Variants in EBF3 observed in about 807,000 individuals in gnomAD.
The protein encoded by EBF3 is EBF transcription factor 3.
A neutral mutation model predicts 77.1 loss-of-function variants in EBF3; 18 were observed. The ratio of observed to expected loss-of-function variants is 0.23; its 90% CI spans 0.16 to 0.35. The LOEUF (loss-of-function observed/expected upper bound fraction) is 0.35, where lower values mean the gene tolerates loss of function less well. Among genes scored for constraint, EBF3 ranks in the 10% least tolerant of loss-of-function variants. The pLI is 1.00. For synonymous variants in EBF3, 350 were observed against 343.5 expected (o/e 1.02, Z -0.21); for missense variants, 558 against 860.0 (o/e 0.65, Z 4.39).
chr10:129,930,082 T>G (rs1023418758), intron 6 of EBF3, among the ~76,000 whole-genome samples: 6 of 152,174 alleles, frequency 3.9e-5, no homozygotes, highest in African/African-American at 1.4e-4. Flanking sequence ...TCCCTGGACA[T>G]CAGAACTTCA....
intron 6 of EBF3, among the ~76,000 whole-genome samples, chr10:129,945,120 T>A (rs1188574779): frequency 3.2e-4 from 3 of 9,442 alleles, no homozygotes; most frequent in Non-Finnish European, 3.7e-4. Context: ...GGGGGGGAGG[T>A]GAAGGGAGGG....
At position 129,963,267 on chromosome 10, in the gene EBF3, G is replaced by A. The variant is rs1859669469; in HGVS notation, c.291+100C>T. On this transcript the variant is annotated intron_variant, in intron 2 of 16. Transcript: ENST00000440978. The surrounding 1 kb of genome is among the most constrained non-coding windows in gnomAD (Gnocchi z 7.1). Reference sequence around the variant, plus strand: ...GGCGGCGGGGTGGCCTGGCGGAGCCGAGCCCGCCGCCTAGGGGGGCACTCG... The same window carrying A: ...GGCGGCGGGGTGGCCTGGCGGAGCCAAGCCCGCCGCCTAGGGGGGCACTCG... The A allele has an allele frequency of 1.1e-5, 16 of 1,486,486 alleles. No homozygotes were observed. Among genetic ancestry groups the A allele is most frequent in the South Asian group, 6.6e-5 (5 of 75,928 alleles). 92.1% of individuals were successfully genotyped at this position (1,486,486 alleles called of 1,614,324 possible). A position where few individuals can be genotyped will look rare whatever the true frequency, so the allele number is the denominator to read the frequency against.
intron 10 of EBF3, among the ~76,000 whole-genome samples, chr10:129,857,922 T>G (rs1851365670): frequency 6.6e-6 from 1 of 152,248 alleles, no homozygotes; most frequent in Non-Finnish European, 1.5e-5. Flanking sequence ...CGCCACACCT[T>G]CACATAAGAC....
intron 6 of EBF3, among the ~76,000 whole-genome samples, chr10:129,891,965 C>G (rs1399110614): frequency 6.6e-6 from 1 of 152,252 alleles, no homozygotes; most frequent in Non-Finnish European, 1.5e-5. Flanking sequence ...GTCCCAATCT[C>G]AAACCTTTTC....
rs1851795692 is a variant in EBF3, at chr10:129,863,663, T to TG, written c.1039+3477_1039+3478insC. On this transcript the variant is annotated intron_variant, in intron 10 of 16. Transcript: ENST00000440978. The surrounding 1 kb of genome is among the most constrained non-coding windows in gnomAD (Gnocchi z 4.0). ...AGACGCCCAGGGGACGGTGCCTACG[T>TG]CGTGACATGCAAAGGGGCTGGCTCA... Among the ~76,000 whole-genome samples the TG allele has an allele frequency of 6.6e-6, 1 of 152,162 alleles. No homozygotes were observed. Among genetic ancestry groups the TG allele is most frequent in the Non-Finnish European group, 1.5e-5 (1 of 68,010 alleles).
chr10:129,859,641 C>T (rs955740638), intron 10 of EBF3, among the ~76,000 whole-genome samples: 13 of 152,258 alleles, frequency 8.5e-5, no homozygotes, highest in African/African-American at 2.7e-4. Context: ...CTAGAGCCAA[C>T]GTGCACAGAC....
In EBF3 at chr10:129,861,332, A is replaced by G. The variant is rs1031158134; in HGVS notation, c.1039+5809T>C. On this transcript the variant is annotated intron_variant, in intron 10 of 16. Transcript: ENST00000440978. This position sits in a 1 kb window ranked among gnomAD's most constrained non-coding sequence, Gnocchi z 4.3. ...GCACGCCACCCCACTTGGTACGAAA[A>G]AAAAAGTCACCCTTTGCCATCCATA... Among the ~76,000 whole-genome samples the G allele has an allele frequency of 2.0e-5, 3 of 152,188 alleles. No individual in the cohort carries two copies. The highest frequency in any genetic ancestry group is 6.5e-5 in the Admixed American group (1 of 15,282).
rs115916945 is a variant in EBF3, at chr10:129,944,041, G to A, written c.554+13217C>T. ...TCATCTCTAGTGTTATGTTATTATC[G>A]CCTTTATGTTTTAATCCATTTTTTA... is the stretch of plus-strand genomic sequence containing the variant. On this transcript the variant is annotated intron_variant, in intron 6 of 16. Coordinates refer to ENST00000440978, the MANE Select transcript of EBF3 (RefSeq NM_001375380.1). The surrounding 1 kb of genome is among the most constrained non-coding windows in gnomAD (Gnocchi z 5.1). 7.3e-3 allele frequency among the ~76,000 whole-genome samples: 1,110 copies of A among 152,154 alleles called. 18 individuals carry two copies. The highest frequency in any genetic ancestry group is 0.025 in the African/African-American group (1,058 of 41,500).
intron 7 of EBF3, among the ~76,000 whole-genome samples, chr10:129,875,142 A>G (rs916684412): frequency 3.3e-5 from 5 of 151,612 alleles, no homozygotes; most frequent in Non-Finnish European, 7.4e-5. Flanking sequence ...AAAGAAGCCA[A>G]AGCTTATGTT....
intron 8 of EBF3, among the ~76,000 whole-genome samples, chr10:129,871,225 G>T (rs1032844767): frequency 6.6e-6 from 1 of 152,160 alleles, no homozygotes; most frequent in East Asian, 1.9e-4. Context: ...GGTTGGAGTC[G>T]TTTACGAGGG....
intron 14 of EBF3, 54 bp downstream of exon 14, chr10:129,840,790 C>T (rs1849979837): frequency 3.2e-6 from 5 of 1,572,780 alleles, no homozygotes; most frequent in South Asian, 1.2e-5. Flanking sequence ...ACACACTCGA[C>T]TCGGTAGTGA....
At chr10:129,914,928 C>A (rs1186463313) in intron 6 of EBF3, among the ~76,000 whole-genome samples, 2 of 152,226 alleles carry the variant, frequency 1.3e-5, no homozygotes, top group African/African-American at 4.8e-5. Flanking sequence ...GCTGAGAGAA[C>A]ATGAGGGGCA....
At chr10:129,929,704 G>A (rs1243709255) in intron 6 of EBF3, among the ~76,000 whole-genome samples, 1 of 152,212 alleles carries the variant, frequency 6.6e-6, no homozygotes, top group Non-Finnish European at 1.5e-5. Flanking sequence ...GGGCCACAGA[G>A]CACCATGGTG....
intron 5 of EBF3, among the ~76,000 whole-genome samples, chr10:129,958,354 G>A (rs773223543): frequency 1.3e-5 from 2 of 152,154 alleles, no homozygotes; most frequent in Non-Finnish European, 2.9e-5. Flanking sequence ...TATTTGCCAT[G>A]TAGGGGTGAA....
At chr10:129,932,786 C>T (rs1280683759) in intron 6 of EBF3, among the ~76,000 whole-genome samples, 1 of 152,298 alleles carries the variant, frequency 6.6e-6, no homozygotes, top group Middle Eastern at 3.4e-3. Flanking sequence ...CGGCATGTGA[C>T]CAGGCAGGAG....
intron 10 of EBF3, among the ~76,000 whole-genome samples, chr10:129,854,062 C>T (rs915758765): frequency 6.8e-6 from 1 of 147,678 alleles, no homozygotes; most frequent in Admixed American, 6.8e-5. Context: ...TATTTAGCTC[C>T]CCCCTGAATA....
intron 6 of EBF3, among the ~76,000 whole-genome samples, chr10:129,924,843 A>C (rs1476737912): frequency 6.6e-6 from 1 of 152,096 alleles, no homozygotes; most frequent in Non-Finnish European, 1.5e-5. Context: ...ATTTAAAAAA[A>C]AAATTTGTGA....
At position 129,842,992 on chromosome 10, in the gene EBF3, T is replaced by A; in HGVS notation, c.1194+145A>T. 1.4e-6 allele frequency: 1 copy of A among 739,458 alleles called. No homozygotes were observed. Among genetic ancestry groups the A allele is most frequent in the Admixed American group, 2.6e-5 (1 of 37,920 alleles). The allele number at this position is 739,458 out of a possible 1,614,324, so 45.8% of individuals were successfully genotyped here. The stretch of plus-strand genomic sequence containing the variant: ...CGTGAACCTAGCGTGAGGGCAAGGA[T>A]GGGAAGCCATTCTCACATCAGACTC... On this transcript the variant is annotated intron_variant, in intron 12 of 16. Transcript: ENST00000440978. This position sits in a 1 kb window ranked among gnomAD's most constrained non-coding sequence, Gnocchi z 4.4.
chr10:129,911,602 T>C lies in EBF3; in HGVS notation c.555-33753A>G, dbSNP rs182980528. Among the ~76,000 whole-genome samples the C allele has an allele frequency of 1.1e-4, 17 of 152,112 alleles. No homozygotes were observed. The South Asian group carries it at 2.1e-3, about 19-fold the overall frequency. ...GCCTCAGCTGCTCCAGCCTCCTTGG[T>C]GGGCACGGGATGGGAAGAGGGGTGA... On this transcript the variant is annotated intron_variant, in intron 6 of 16. Coordinates refer to ENST00000440978, the MANE Select transcript of EBF3 (RefSeq NM_001375380.1).
Sources: gnomAD v4.1 joint callset for allele counts (sites outside exome capture counted in the v4.1 genomes callset) on GRCh38, gnomAD v4.1.1 for gene constraint, Gnocchi (gnomAD v3.1) non-coding constraint, MANE v1.5 for transcripts, NCBI Gene and HGNC (gene_info 2026-07-23, HGNC 2026-07-21) for gene names.